Variants in RAP1GAP observed in about 807,000 individuals in gnomAD.
The protein encoded by RAP1GAP is rap1 GTPase-activating protein 1.
A neutral mutation model predicts 87.2 loss-of-function variants in RAP1GAP; 35 were observed. The ratio of observed to expected loss-of-function variants is 0.40; its 90% CI spans 0.31 to 0.53. The LOEUF (loss-of-function observed/expected upper bound fraction) is 0.53. Among genes scored for constraint, RAP1GAP ranks in the 20% least tolerant of loss-of-function variants. The pLI is 0.48. For missense variants in RAP1GAP, 734 were observed against 898.9 expected, an observed-to-expected ratio of 0.82 and a Z score of 2.35; for synonymous variants, 375 against 363.9, an observed-to-expected ratio of 1.03 and a Z score of -0.35.
intron 2 of RAP1GAP, among the ~76,000 whole-genome samples, chr1:21,638,225 A>G (rs1156719161): frequency 6.6e-6 from 1 of 151,992 alleles, no homozygotes; most frequent in African/African-American, 2.4e-5. Flanking sequence ...TGGGAGGCCA[A>G]GTCAGGTGGA....
In RAP1GAP at chr1:21,622,229, G is replaced by A. The variant is rs1570854293; in HGVS notation, c.-18-2179C>T. On this transcript the variant is annotated intron_variant, in intron 3 of 24. Coordinates refer to ENST00000374765, the MANE Select transcript of RAP1GAP (RefSeq NM_002885.4). The surrounding 1 kb of genome is among the most constrained non-coding windows in gnomAD (Gnocchi z 5.7). ...CAGAAGCTCACACGCCCACCATGAC[G>A]GAGCCTTGTCCGCCCGCCCTGGCTG... 5.9e-6 allele frequency: 2 copies of A among 341,024 alleles called. No individual in the cohort carries two copies. Among genetic ancestry groups the A allele is most frequent in the Admixed American group, 5.1e-5 (1 of 19,478 alleles). 21.1% of individuals were successfully genotyped at this position (341,024 alleles called of 1,614,324 possible).
chr1:21,600,795 G>A (rs1190277563), intron 20 of RAP1GAP, among the ~76,000 whole-genome samples: 1 of 147,364 alleles, frequency 6.8e-6, no homozygotes, highest in African/African-American at 2.5e-5. Flanking sequence ...TGAGGCAGGA[G>A]AATGGCGTGA....
rs1197813610 is a variant in RAP1GAP at position 21,668,531 on chromosome 1, T to TGC, written c.-149+721_-149+722dup. On this transcript the variant is annotated intron_variant, in intron 1 of 24. Coordinates refer to ENST00000374765, the MANE Select transcript of RAP1GAP (RefSeq NM_002885.4). This position sits in a 1 kb window ranked among gnomAD's most constrained non-coding sequence, Gnocchi z 6.2. ...CTCACCTCCGGAGACTGTGTGTGTGTGCAGGTGTGCGTACACAAGGTTTCT... is the reference window on the plus strand; with the variant it reads ...CTCACCTCCGGAGACTGTGTGTGTGTGCGCAGGTGTGCGTACACAAGGTTTCT... 1 of 152,544 alleles carries TGC rather than the reference T, an allele frequency of 6.6e-6. No homozygotes were observed. Among genetic ancestry groups the TGC allele is most frequent in the Non-Finnish European group, 1.5e-5 (1 of 68,346 alleles). 9.4% of individuals were successfully genotyped at this position (152,544 alleles called of 1,614,324 possible). A position where few individuals can be genotyped will look rare whatever the true frequency, so the allele number is the denominator to read the frequency against.
intron 2 of RAP1GAP, among the ~76,000 whole-genome samples, chr1:21,635,060 G>T (rs975193873): frequency 6.6e-6 from 1 of 152,192 alleles, no homozygotes; most frequent in Non-Finnish European, 1.5e-5. Flanking sequence ...CATTCTGCCT[G>T]GAAGAAAACT....
chr1:21,613,882 C>A lies in RAP1GAP; in HGVS notation c.395+104G>T. On this transcript the variant is annotated intron_variant, in intron 8 of 24. Coordinates refer to ENST00000374765, the MANE Select transcript of RAP1GAP (RefSeq NM_002885.4). This position sits in a 1 kb window ranked among gnomAD's most constrained non-coding sequence, Gnocchi z 4.7. ...TGTGCAACCTCAAGCAAATCCCTGC[C>A]CCTCTATGGGCCTTGATGAAGAGAG... is the stretch of plus-strand genomic sequence containing the variant. 8.3e-7 allele frequency: 1 copy of A among 1,202,936 alleles called. No individual in the cohort carries two copies. 74.5% of individuals were successfully genotyped at this position (1,202,936 alleles called of 1,614,324 possible). A position where few individuals can be genotyped will look rare whatever the true frequency, so the allele number is the denominator to read the frequency against.
At chr1:21,641,380 G>A (rs974253544) in intron 2 of RAP1GAP, among the ~76,000 whole-genome samples, 6 of 152,072 alleles carry the variant, frequency 3.9e-5, no homozygotes, top group Admixed American at 1.3e-4. Flanking sequence ...TCTACCCTCT[G>A]CCTGGACTAC....
rs893245492 is a variant in RAP1GAP, at chr1:21,613,072, G to A, written c.528+104C>T. ...CAGGGTTATTGTGAGGATTAAATGA[G>A]AGAACCTTGGGAAAGTATCTGGCAC... On this transcript the variant is annotated intron_variant, in intron 10 of 24. Transcript: ENST00000374765. The surrounding 1 kb of genome is among the most constrained non-coding windows in gnomAD (Gnocchi z 4.7). 4 of 1,259,862 alleles carry A rather than the reference G, an allele frequency of 3.2e-6. No homozygotes were observed. Among genetic ancestry groups the A allele is most frequent in the East Asian group, 2.4e-5 (1 of 41,272 alleles). 78.0% of individuals were successfully genotyped at this position (1,259,862 alleles called of 1,614,324 possible). A position where few individuals can be genotyped will look rare whatever the true frequency, so the allele number is the denominator to read the frequency against.
rs1354405076 is a variant in RAP1GAP at position 21,609,669 on chromosome 1, G to C, written c.1000-23C>G. 35 of 1,540,322 alleles carry C rather than the reference G, an allele frequency of 2.3e-5. No homozygotes were observed. The Admixed American group carries it at 6.6e-4, about 29-fold the overall frequency. On this transcript the variant is annotated intron_variant, in intron 14 of 24. Transcript: ENST00000374765. This position sits in a 1 kb window ranked among gnomAD's most constrained non-coding sequence, Gnocchi z 4.4. ...GACCTGGAAGGGAGGGCAGCTGTCT[G>C]TTCCTGTGGAGCCTGGGGTCTGCTC...
At chr1:21,659,921 G>C (rs1025996018) in intron 1 of RAP1GAP, among the ~76,000 whole-genome samples, 1 of 152,178 alleles carries the variant, frequency 6.6e-6, no homozygotes, top group Non-Finnish European at 1.5e-5. Flanking sequence ...CTAAGGATCA[G>C]TGGATGCAGA....
chr1:21,604,795 GGATC>G (rs2072685165), intron 18 of RAP1GAP, among the ~76,000 whole-genome samples: 2 of 121,230 alleles, frequency 1.6e-5, no homozygotes, highest in African/African-American at 6.2e-5. Flanking sequence ...ATGGATGGAT[GGATC>G]GGTGGGTGGG....
intron 20 of RAP1GAP, among the ~76,000 whole-genome samples, chr1:21,600,812 G>A (rs546856413): frequency 4.2e-5 from 6 of 143,950 alleles, no homozygotes; most frequent in Non-Finnish European, 7.5e-5. Context: ...GTGAACCCGG[G>A]AGGTGGAGCT....
chr1:21,631,178 T>C (rs1031769997), intron 2 of RAP1GAP, among the ~76,000 whole-genome samples: 1 of 152,046 alleles, frequency 6.6e-6, no homozygotes, highest in African/African-American at 2.4e-5. Flanking sequence ...CTTCCCCACG[T>C]CTCCAAAAAC....
Position 21,608,197 on chromosome 1 carries a change from A to ACC in RAP1GAP, c.1296+14_1296+15dup. 6.2e-7 allele frequency: 1 copy of ACC among 1,612,930 alleles called. No individual in the cohort carries two copies. The highest frequency in any genetic ancestry group is 8.5e-7 in the Non-Finnish European group (1 of 1,179,424). On this transcript the variant is annotated intron_variant, in intron 17 of 24. Transcript: ENST00000374765. ...ACGTCCCTGCTCCCCGGCCAGTTAG[A>ACC]CCTGGGGCCCTTCACCTTGAAAGAC...
In RAP1GAP at chr1:21,623,412, C is replaced by T. The variant is rs544539223; in HGVS notation, c.-19+2892G>A. On this transcript the variant is annotated intron_variant, in intron 3 of 24. Coordinates refer to ENST00000374765, the MANE Select transcript of RAP1GAP (RefSeq NM_002885.4). ...CAGGGACAGGGACAGGGCCTTGCTA[C>T]CACTTCCTCCAGACAGATGTTGGGA... 1.3e-5 allele frequency among the ~76,000 whole-genome samples: 2 copies of T among 152,246 alleles called. 1 individual carries two copies. The highest frequency in any genetic ancestry group is 4.1e-4 in the South Asian group (2 of 4,830).
intron 17 of RAP1GAP, among the ~76,000 whole-genome samples, 167 bp downstream of exon 17, chr1:21,608,046 C>T (rs1242757916): frequency 2.6e-5 from 4 of 151,866 alleles, no homozygotes; most frequent in Non-Finnish European, 2.9e-5. Flanking sequence ...TCTAGCTGCA[C>T]TCCCCATGCT....
At position 21,610,217 on chromosome 1, in the gene RAP1GAP, T is replaced by C; in HGVS notation, c.902A>G (p.Asn301Ser). ...GATCATGTCGGGCACGAAAGGAGTG[T>C]TCTCATCCTGGAAGACCACAGCCAC... is the stretch of plus-strand genomic sequence containing the variant. ...DIVAVVFQDE[N>S]TPFVPDMIAS... is the part of the protein sequence containing the mutation. Residue 301 changes from asparagine (N) to serine (S), a missense_variant, in exon 14 of 25, where the codon AAC becomes AGC. By Grantham distance (46) the Asn-to-Ser change is conservative. This residue lies in a region of RAP1GAP where 485 missense variants were observed against 646.2 expected (regional missense o/e 0.75). Transcript: ENST00000374765. The C allele has an allele frequency of 6.2e-7, 1 of 1,614,100 alleles. No individual in the cohort carries two copies.
chr1:21,604,357 G>C (rs1235032379), intron 18 of RAP1GAP, among the ~76,000 whole-genome samples: 1 of 151,842 alleles, frequency 6.6e-6, no homozygotes, highest in Non-Finnish European at 1.5e-5. Context: ...AAAGACAGGT[G>C]CAAGAAGGAA....
chr1:21,656,417 TAAAAAAA>T (rs71661339), intron 1 of RAP1GAP, among the ~76,000 whole-genome samples: 25 of 96,138 alleles, frequency 2.6e-4, no homozygotes, highest in African/African-American at 7.7e-4. Context: ...AGACTCCATC[TAAAAAAA>T]AAAAAAAAAA....
At position 21,614,006 on chromosome 1, in the gene RAP1GAP, C is replaced by T. The variant is rs769184751; in HGVS notation, c.375G>A (p.Glu125=). 3.7e-6 allele frequency: 6 copies of T among 1,611,546 alleles called. No homozygotes were observed. The highest frequency in any genetic ancestry group is 3.3e-5 in the South Asian group (3 of 90,612). Residue 125 remains glutamate, a synonymous_variant, in exon 8 of 25, where the codon GAG becomes GAA. Transcript: ENST00000374765. ...SLKYDVIGDQ[E]HLRLLLRTKC... Reference sequence around the variant, plus strand: ...CTCACCTGAGCAGCAGCCGCAGGTGCTCTTGGTCCCCGATGACATCGTACT... The same window carrying T: ...CTCACCTGAGCAGCAGCCGCAGGTGTTCTTGGTCCCCGATGACATCGTACT...
Sources: allele counts gnomAD v4.1 joint callset (sites outside exome capture counted in the v4.1 genomes callset), GRCh38; gene constraint gnomAD v4.1.1; regional missense constraint gnomAD v4.1.1; non-coding constraint Gnocchi (gnomAD v3.1); transcripts MANE v1.5; gene names NCBI Gene and HGNC (gene_info 2026-07-23, HGNC 2026-07-21).